The following XDH variants were observed in gnomAD, a reference collection of about 807,000 sequenced individuals.
XDH encodes the protein xanthine dehydrogenase, also known as xanthine dehydrogenase/oxidase.
In XDH, 138 loss-of-function variants were observed where a neutral mutation model predicts 156.1. That is an observed-to-expected ratio of 0.88 (90% CI 0.77 to 1.02). XDH has a LOEUF of 1.02. Among genes scored for constraint, XDH ranks in the 50% least tolerant of loss-of-function variants. XDH has a pLI of 0.00. For missense variants in XDH, 1,849 were observed against 1,684.9 expected (o/e 1.10, Z -1.71); for synonymous variants, 669 against 625.7 (o/e 1.07, Z -1.03).
Position 31,364,239 on chromosome 2 carries a change from G to T in XDH, c.2550C>A (p.Gly850=), listed in dbSNP as rs1685850662. ...CCACAACTGTCCCAGTCTTCATGAA[G>T]CCAACCTGATAAAAGGAGAAAGGAG... The part of the protein sequence containing the change: ...RHPFLARYKV[G]FMKTGTVVAL... Residue 850 remains glycine, a synonymous_variant, in exon 24 of 36, where the codon GGC becomes GGA. Transcript: ENST00000379416. 1 of 1,614,160 alleles carries T rather than the reference G, an allele frequency of 6.2e-7. No homozygotes were observed.
At chr2:31,357,789 A>G (rs1685665490) in intron 24 of XDH, among the ~76,000 whole-genome samples, 2 of 152,134 alleles carry the variant, frequency 1.3e-5, no homozygotes, top group African/African-American at 4.8e-5. Flanking sequence ...TTATCCTGAT[A>G]CACTGTATGC....
At chr2:31,379,830 A>C (rs1686381879) in intron 13 of XDH, 37 bp downstream of exon 13, 1 of 1,599,484 alleles carries the variant, frequency 6.3e-7, no homozygotes, top group Non-Finnish European at 8.6e-7. Context: ...AATAGGACTT[A>C]TTTGAGCAGA....
In XDH at chr2:31,364,346, T is replaced by A; in HGVS notation, c.2545-102A>T. Reference sequence around the variant, plus strand: ...TCCCACTTATGTCACCTGGAGGAAATAAACAGAACACCACATCATCCCGTG... The same window carrying A: ...TCCCACTTATGTCACCTGGAGGAAAAAAACAGAACACCACATCATCCCGTG... On this transcript the variant is annotated intron_variant, in intron 23 of 35. Transcript: ENST00000379416. 4 of 1,131,638 alleles carry A rather than the reference T, an allele frequency of 3.5e-6. No individual in the cohort carries two copies. In the South Asian group the frequency reaches 3.8e-5, roughly 11 times the overall value. 70.1% of individuals were successfully genotyped at this position (1,131,638 alleles called of 1,614,324 possible). A position where few individuals can be genotyped will look rare whatever the true frequency, so the allele number is the denominator to read the frequency against.
intron 19 of XDH, 43 bp downstream of exon 19, chr2:31,368,498 C>T (rs201580530): frequency 1.3e-5 from 21 of 1,611,736 alleles, no homozygotes; most frequent in Middle Eastern, 1.7e-4. Context: ...CATCCAGGGA[C>T]GGGGAGCTCA....
intron 34 of XDH, among the ~76,000 whole-genome samples, chr2:31,339,241 T>C (rs1160756591): frequency 6.6e-6 from 1 of 152,136 alleles, no homozygotes; most frequent in Non-Finnish European, 1.5e-5. Context: ...GGAATCCCTC[T>C]AAATTCACCC....
At chr2:31,371,673 T>C in intron 17 of XDH, among the ~76,000 whole-genome samples, 1 of 150,960 alleles carries the variant, frequency 6.6e-6, no homozygotes, top group East Asian at 1.9e-4. Context: ...CTTAAACACT[T>C]TTTTTTTTGT....
chr2:31,364,765 T>G (rs1403322714), intron 23 of XDH, among the ~76,000 whole-genome samples: 1 of 152,198 alleles, frequency 6.6e-6, no homozygotes, highest in African/African-American at 2.4e-5. Flanking sequence ...AGGAATCCTC[T>G]TCAGGCCCAC....
intron 8 of XDH, among the ~76,000 whole-genome samples, chr2:31,386,982 GGGAAGAAAGGAAGGAAGGAAGGAAGGAA>G (rs1686621802): frequency 2.5e-5 from 2 of 81,200 alleles, no homozygotes; most frequent in Non-Finnish European, 5.4e-5. Flanking sequence ...GAGGGAGGGA[GGGAAGAAAGGAAGGAAGGAAGGAAGGAA>G]GGAAGGAAGG....
At chr2:31,413,149 A>C (rs1164140763) in intron 1 of XDH, among the ~76,000 whole-genome samples, 3 of 152,236 alleles carry the variant, frequency 2.0e-5, no homozygotes, top group Non-Finnish European at 2.9e-5. Context: ...AAAACCTCAG[A>C]GTAAGACATG....
rs943395461 is a variant in XDH, at chr2:31,349,770, C to A, written c.2885G>T (p.Gly962Val). The A allele has an allele frequency of 1.9e-6, 3 of 1,614,172 alleles. No individual in the cohort carries two copies. Among genetic ancestry groups the A allele is most frequent in the South Asian group, 2.2e-5 (2 of 91,080 alleles). Residue 962 changes from glycine to valine, a missense_variant, in exon 26 of 36, where the codon GGT (glycine) becomes GTT (valine). Gly to Val is a moderately radical substitution (Grantham distance 109). Transcript: ENST00000379416. ...TTCCCAGCATCTGGGCAAGGTGAAA[C>A]CCTCAAGCTTCTGGTTGAAGTGTGT... ...DLTHFNQKLEGFTLPRCWEEC... is the reference protein window; with the variant it reads ...DLTHFNQKLEVFTLPRCWEEC...
rs267599351 is a variant in XDH at position 31,401,238 on chromosome 2, C to G, written c.288G>C (p.Thr96=). Residue 96 remains threonine (T), a synonymous_variant, in exon 4 of 36, where the codon ACG becomes ACC. Coordinates refer to ENST00000379416, the MANE Select transcript of XDH (RefSeq NM_000379.4). The part of the protein sequence containing the change: ...TTVEGIGSTK[T]RLHPVQERIA... ...TGTTTACCTGCACAGGATGCAGCCT[C>G]GTCTTGGTGCTTCCTATTCCTTCCA... The G allele has an allele frequency of 6.2e-7, 1 of 1,614,204 alleles. No individual in the cohort carries two copies. Among genetic ancestry groups the G allele is most frequent in the East Asian group, 2.2e-5 (1 of 44,882 alleles).
rs75101740 is a variant in XDH at position 31,395,965 on chromosome 2, G to A, written c.495+1703C>T. 3.9e-3 allele frequency among the ~76,000 whole-genome samples: 600 copies of A among 152,172 alleles called. 3 individuals carry two copies. Among genetic ancestry groups the A allele is most frequent in the African/African-American group, 0.014 (575 of 41,506 alleles). ...CACCAGATAGCTGTGGTCACTTCTC[G>A]CCGTGAGCAGTGTGCCCACCTCTAG... On this transcript the variant is annotated intron_variant, in intron 6 of 35. Transcript: ENST00000379416.
At chr2:31,344,612 G>T in intron 31 of XDH, 72 bp downstream of exon 31, 1 of 1,559,586 alleles carries the variant, frequency 6.4e-7, no homozygotes, top group South Asian at 1.1e-5. Flanking sequence ...GGCAGGATTC[G>T]GTGCTGGAGT....
chr2:31,340,084 C>A (rs887071204), intron 33 of XDH, among the ~76,000 whole-genome samples: 9 of 152,240 alleles, frequency 5.9e-5, no homozygotes, highest in African/African-American at 2.2e-4. Context: ...CCCTGCCTGT[C>A]CTCTGGGAGA....
In XDH at chr2:31,388,210, G is replaced by A; in HGVS notation, c.564+17C>T. ...CAGATTACCCCCAGGCTTCCAGGGGGAGAAGAACTCACTTACTGAGTGGTC... is the reference window on the plus strand; with the variant it reads ...CAGATTACCCCCAGGCTTCCAGGGGAAGAAGAACTCACTTACTGAGTGGTC... On this transcript the variant is annotated intron_variant, in intron 7 of 35. Coordinates refer to ENST00000379416, the MANE Select transcript of XDH (RefSeq NM_000379.4). The A allele has an allele frequency of 6.2e-7, 1 of 1,613,956 alleles. No individual in the cohort carries two copies. The highest frequency in any genetic ancestry group is 1.1e-5 in the South Asian group (1 of 91,078).
chr2:31,349,983 C>A (rs377071264), intron 25 of XDH, 49 bp downstream of exon 25: 1 of 1,612,480 alleles, frequency 6.2e-7, no homozygotes, highest in Non-Finnish European at 8.5e-7. Flanking sequence ...CGCTGTCCCC[C>A]GAAGTAGTCT....
intron 13 of XDH, among the ~76,000 whole-genome samples, chr2:31,378,109 AGGAAGGAAGGAAGGAAGG>A (rs1181060778): frequency 2.4e-5 from 1 of 41,120 alleles, no homozygotes; most frequent in Admixed American, 2.6e-4. Context: ...AAAGAAAGAA[AGGAAGGAAGGAAGGAAGG>A]AAGGAAGGAA....
At chr2:31,366,809 G>A in intron 21 of XDH, 61 bp downstream of exon 21, 3 of 1,611,914 alleles carry the variant, frequency 1.9e-6, no homozygotes, top group Non-Finnish European at 2.5e-6. Context: ...TGGCCCTCCT[G>A]GTCTGCTAGG....
intron 34 of XDH, among the ~76,000 whole-genome samples, chr2:31,338,119 T>G (rs1433895150): frequency 1.3e-5 from 2 of 152,348 alleles, no homozygotes; most frequent in Admixed American, 1.3e-4. Flanking sequence ...ACTCGGTAAT[T>G]GTATTTTACA....
Sources: gnomAD v4.1 joint callset for allele counts (sites outside exome capture counted in the v4.1 genomes callset) on GRCh38, gnomAD v4.1.1 for gene constraint, MANE v1.5 for transcripts, NCBI Gene and HGNC (gene_info 2026-07-23, HGNC 2026-07-21) for gene names.